Variants in C6orf52 observed in about 807,000 individuals in gnomAD.
The protein encoded by C6orf52 is putative uncharacterized protein C6orf52.
In C6orf52, 16 loss-of-function variants were observed where a neutral mutation model predicts 16.6. The observed-to-expected ratio is 0.96, with a 90% CI of 0.65 to 1.46. The LOEUF (loss-of-function observed/expected upper bound fraction) is 1.46. C6orf52 is among the 40% of genes most tolerant of loss of function. The probability of loss-of-function intolerance (pLI) is 0.00; values close to 1 mark genes in which losing one functional copy is unlikely to be tolerated. For synonymous variants in C6orf52, 53 were observed against 61.4 expected, an observed-to-expected ratio of 0.86 and a Z score of 0.64; for missense variants, 166 against 182.3, an observed-to-expected ratio of 0.91 and a Z score of 0.52.
intron 4 of C6orf52, among the ~76,000 whole-genome samples, chr6:10,678,091 G>A (rs1768048385): frequency 6.6e-6 from 1 of 151,212 alleles, no homozygotes; most frequent in African/African-American, 2.4e-5. Context: ...GGCTGAGGCA[G>A]GAGAATTGCT....
Position 10,683,246 on chromosome 6 carries a change from T to C in C6orf52, c.271-14A>G, listed in dbSNP as rs1369431399. ...AGGTGTGGTTTCCTGCAACAAAATA[T>C]TATCTCATGAGAAAATAATTTTACT... On this transcript the variant is annotated splice_polypyrimidine_tract_variant and intron_variant, in intron 3 of 4. Coordinates refer to ENST00000259983, the MANE Select transcript of C6orf52 (RefSeq NM_001145020.3). 6.6e-7 allele frequency: 1 copy of C among 1,519,942 alleles called. No homozygotes were observed. The highest frequency in any genetic ancestry group is 8.9e-7 in the Non-Finnish European group (1 of 1,121,032). The allele number at this position is 1,519,942 out of a possible 1,614,324, so 94.2% of individuals were successfully genotyped here. A position where few individuals can be genotyped will look rare whatever the true frequency, so the allele number is the denominator to read the frequency against.
chr6:10,674,971 G>A (rs931952506), intron 4 of C6orf52, among the ~76,000 whole-genome samples: 5 of 151,790 alleles, frequency 3.3e-5, no homozygotes, highest in Admixed American at 6.6e-5. Flanking sequence ...CACCACACTC[G>A]GCTAATTTTT....
At chr6:10,694,365 G>GCAGGGCTGGGGTT (rs1554149150) in intron 1 of C6orf52, 129 bp downstream of exon 1, 2 of 152,994 alleles carry the variant, frequency 1.3e-5, no homozygotes, top group Non-Finnish European at 1.5e-5. Flanking sequence ...GAGAAAGTGT[G>GCAGGGCTGGGGTT]CAGGGCTGGG....
At chr6:10,675,279 T>C (rs986530788) in intron 4 of C6orf52, among the ~76,000 whole-genome samples, 4 of 152,210 alleles carry the variant, frequency 2.6e-5, no homozygotes, top group African/African-American at 7.2e-5. Context: ...TGAAATCATA[T>C]GGCATTTGTT....
At chr6:10,693,790 G>C (rs1282285943) in intron 1 of C6orf52, among the ~76,000 whole-genome samples, 1 of 152,146 alleles carries the variant, frequency 6.6e-6, no homozygotes, top group Non-Finnish European at 1.5e-5. Context: ...ATGCAGTGGA[G>C]CGATCTCGGC....
chr6:10,682,117 A>G (rs541016384), intron 4 of C6orf52, among the ~76,000 whole-genome samples: 1 of 152,254 alleles, frequency 6.6e-6, no homozygotes, highest in East Asian at 1.9e-4. Context: ...TCTTTTTGTT[A>G]AGAGCTTTCC....
At chr6:10,683,064 T>C in intron 4 of C6orf52, 123 bp downstream of exon 4, 2 of 599,246 alleles carry the variant, frequency 3.3e-6, no homozygotes, top group Non-Finnish European at 5.7e-6. Flanking sequence ...CTGAAGCATA[T>C]GGCTTAGGCA....
At chr6:10,680,326 AATTT>A (rs1480612711) in intron 4 of C6orf52, among the ~76,000 whole-genome samples, 1 of 152,202 alleles carries the variant, frequency 6.6e-6, no homozygotes, top group African/African-American at 2.4e-5. Flanking sequence ...CATGTTTATT[AATTT>A]GTGTATATTA....
In C6orf52 at chr6:10,671,789, G is replaced by C. The variant is rs537414625; in HGVS notation, c.317-191C>G. 1.2e-4 allele frequency among the ~76,000 whole-genome samples: 19 copies of C among 152,312 alleles called. No individual in the cohort carries two copies. In the East Asian group the frequency reaches 3.3e-3, roughly 26 times the overall value. ...AGAAATTTAAGCTATAAAAGTAGTAGTGTCATCAAACTCAATGAGCATCCA... is the reference window on the plus strand; with the variant it reads ...AGAAATTTAAGCTATAAAAGTAGTACTGTCATCAAACTCAATGAGCATCCA... On this transcript the variant is annotated intron_variant, in intron 4 of 4. Transcript: ENST00000259983.
chr6:10,687,074 G>A lies in C6orf52; in HGVS notation c.162C>T (p.Tyr54=). ...AGCCATAGCTGTAGCCAGAAAGAAGGTAAGAGCCGTGCTGTCGCGCATACC... is the reference window on the plus strand; with the variant it reads ...AGCCATAGCTGTAGCCAGAAAGAAGATAAGAGCCGTGCTGTCGCGCATACC... ...GNWYARQHGS[Y]LLSGYSYGCA... The change falls in exon 3 of 5, where the codon TAC becomes TAT. Residue 54 remains tyrosine, a synonymous_variant. Transcript: ENST00000259983. 5 of 1,551,956 alleles carry A rather than the reference G, an allele frequency of 3.2e-6. No individual in the cohort carries two copies. The highest frequency in any genetic ancestry group is 4.4e-6 in the Non-Finnish European group (5 of 1,146,998).
intron 3 of C6orf52, among the ~76,000 whole-genome samples, chr6:10,685,567 A>G (rs981504752): frequency 6.6e-6 from 1 of 152,216 alleles, no homozygotes; most frequent in Non-Finnish European, 1.5e-5. Flanking sequence ...GTCACTCTGC[A>G]TATTAGGAGA....
At chr6:10,671,630 TAG>T (rs1386479165) in intron 4 of C6orf52, 32 bp from the exon 5 acceptor site, 27 of 1,468,624 alleles carry the variant, frequency 1.8e-5, no homozygotes, top group East Asian at 2.5e-5. Flanking sequence ...ATGAAAAAAA[TAG>T]AGTTTTACAG....
chr6:10,674,100 G>A (rs779107041), intron 4 of C6orf52, among the ~76,000 whole-genome samples: 1 of 152,090 alleles, frequency 6.6e-6, no homozygotes, highest in African/African-American at 2.4e-5. Context: ...CCCTCTTCTG[G>A]GTTGCACACT....
At chr6:10,672,655 ATTTTTTTT>A in intron 4 of C6orf52, 1 of 676,606 alleles carries the variant, frequency 1.5e-6, no homozygotes, top group African/African-American at 1.8e-5. Flanking sequence ...TATAAAAATA[ATTTTTTTT>A]AAAAAAAGAG....
intron 4 of C6orf52, among the ~76,000 whole-genome samples, chr6:10,682,176 C>A (rs991168906): frequency 1.6e-4 from 25 of 152,276 alleles, no homozygotes; most frequent in African/African-American, 5.5e-4. Context: ...TATCCACATG[C>A]CTAATTTTTC....
intron 4 of C6orf52, among the ~76,000 whole-genome samples, chr6:10,679,355 G>A (rs1034772182): frequency 5.4e-5 from 8 of 149,300 alleles, no homozygotes; most frequent in Non-Finnish European, 8.9e-5. Context: ...CAGAAGAATC[G>A]CTTGAACCCG....
chr6:10,675,978 A>AAAATACAAAAATACTAAAAATAC (rs1165548434), intron 4 of C6orf52, among the ~76,000 whole-genome samples: 1 of 152,108 alleles, frequency 6.6e-6, no homozygotes, highest in African/African-American at 2.4e-5. Flanking sequence ...CTAAAAATAC[A>AAAATACAAAAATACTAAAAATAC]AAAATTAGCT....
At chr6:10,672,425 G>A (rs1295903028) in intron 4 of C6orf52, 1 of 521,734 alleles carries the variant, frequency 1.9e-6, no homozygotes, top group Non-Finnish European at 3.4e-6. Flanking sequence ...CCCCCACAAT[G>A]TGAAGGCATT....
chr6:10,694,618 GCCCC>G, upstream of C6orf52: 3 of 190,214 alleles, frequency 1.6e-5, no homozygotes, highest in South Asian at 8.7e-5. Context: ...CCGGAAGTCG[GCCCC>G]ACCTCCTCCT....
Sources: gnomAD v4.1 joint callset for allele counts (sites outside exome capture counted in the v4.1 genomes callset) on GRCh38, gnomAD v4.1.1 for gene constraint, MANE v1.5 for transcripts, NCBI Gene and HGNC (gene_info 2026-07-23, HGNC 2026-07-21) for gene names.